Variants in SDR9C7 observed in about 807,000 individuals in gnomAD.
SDR9C7 encodes the protein short-chain dehydrogenase/reductase family 9C member 7.
Under a neutral mutation model 23.6 loss-of-function variants are expected in SDR9C7, and 11 were observed. The observed-to-expected ratio is 0.47, with a 90% CI of 0.29 to 0.77. SDR9C7 has a LOEUF of 0.77. Among genes scored for constraint, SDR9C7 ranks in the 30% least tolerant of loss-of-function variants. The pLI, the probability that SDR9C7 is intolerant of heterozygous loss-of-function variation, is 0.09. For missense variants in SDR9C7, 387 were observed against 407.1 expected, an observed-to-expected ratio of 0.95 and a Z score of 0.42; for synonymous variants, 167 against 157.3, an observed-to-expected ratio of 1.06 and a Z score of -0.46.
intron 2 of SDR9C7, 106 bp from the exon 3 acceptor site, chr12:56,929,659 A>G: frequency 7.6e-7 from 1 of 1,309,522 alleles, no homozygotes; most frequent in East Asian, 2.4e-5. Context: ...TGCTTCTCTC[A>G]CCCCTGTACT....
At chr12:56,933,914 A>G (rs759367482) in intron 1 of SDR9C7, 47 bp downstream of exon 1, 1 of 1,558,446 alleles carries the variant, frequency 6.4e-7, no homozygotes, top group Non-Finnish European at 8.7e-7. Flanking sequence ...AGAGAGGAAG[A>G]GGAAGAAGGA....
Position 56,934,086 on chromosome 12 carries a change from T to G in SDR9C7, c.176A>C (p.Glu59Ala). 1 of 1,614,212 alleles carries G rather than the reference T, an allele frequency of 6.2e-7. No homozygotes were observed. ...GMQVLAACFT[E>A]EGSQKLQRDT... ...CCGCTGAAGTTTCTGGGATCCCTCC[T>G]CAGTGAAGCAAGCAGCCAGCACCTG... The change falls in exon 1 of 4, where the codon GAG (glutamate) becomes GCG (alanine). Residue 59 changes from glutamate (E) to alanine (A), a missense_variant. By Grantham distance (107) the Glu-to-Ala change is moderately radical (BLOSUM62 -1). Coordinates refer to ENST00000293502, the MANE Select transcript of SDR9C7 (RefSeq NM_148897.3).
At position 56,933,941 on chromosome 12, in the gene SDR9C7, A is replaced by G. The variant is rs1955782387; in HGVS notation, c.301+20T>C. ...GAAGAAGGAGAAACCAAGAAAGCCA[A>G]AGAATGTAATTCGCCCCACCTTGTT... On this transcript the variant is annotated intron_variant, in intron 1 of 3. Coordinates refer to ENST00000293502, the MANE Select transcript of SDR9C7 (RefSeq NM_148897.3). The G allele has an allele frequency of 6.3e-7, 1 of 1,592,060 alleles. No individual in the cohort carries two copies. The highest frequency in any genetic ancestry group is 2.2e-5 in the East Asian group (1 of 44,498).
chr12:56,933,085 C>G lies in SDR9C7; in HGVS notation c.301+876G>C, dbSNP rs570212214. 3.9e-5 allele frequency among the ~76,000 whole-genome samples: 6 copies of G among 152,366 alleles called. No individual in the cohort carries two copies. In the East Asian group the frequency reaches 1.2e-3, roughly 29 times the overall value. On this transcript the variant is annotated intron_variant, in intron 1 of 3. Transcript: ENST00000293502. ...GTCCCCACACAGTCCTGGGCCAGCC[C>G]CAGTCCACAGCTTCCTTTCCCAATA...
chr12:56,928,814 C>A (rs529527717), intron 3 of SDR9C7, among the ~76,000 whole-genome samples: 1 of 152,244 alleles, frequency 6.6e-6, no homozygotes, highest in East Asian at 1.9e-4. Context: ...TCACAGGAGA[C>A]CCTCAGCTCA....
chr12:56,930,504 C>T lies in SDR9C7; in HGVS notation c.302-20G>A, dbSNP rs370892780. ...AGAGGCCTGGGGGTGAGATGAACCA[C>T]ACAGAAATCATCAGTGGGCCTGGGA... On this transcript the variant is annotated intron_variant, in intron 1 of 3. Coordinates refer to ENST00000293502, the MANE Select transcript of SDR9C7 (RefSeq NM_148897.3). 6.2e-7 allele frequency: 1 copy of T among 1,611,530 alleles called. No individual in the cohort carries two copies.
chr12:56,926,189 G>A (rs1287371277), intron 3 of SDR9C7, among the ~76,000 whole-genome samples: 1 of 152,088 alleles, frequency 6.6e-6, no homozygotes, highest in Non-Finnish European at 1.5e-5. Context: ...ACAAGCCAGG[G>A]GCCTGTTTGG....
intron 3 of SDR9C7, among the ~76,000 whole-genome samples, chr12:56,926,343 G>A (rs1292163281): frequency 3.3e-5 from 5 of 152,144 alleles, no homozygotes; most frequent in Admixed American, 6.5e-5. Context: ...CCTTCACTGG[G>A]TTTCTGCAGT....
chr12:56,931,928 G>T (rs1462395938), intron 1 of SDR9C7, among the ~76,000 whole-genome samples: 1 of 152,082 alleles, frequency 6.6e-6, no homozygotes. Context: ...CCCAAGCCAT[G>T]CCCCTACCCA....
At chr12:56,930,513 C>T (rs377225976) in intron 1 of SDR9C7, 29 bp from the exon 2 acceptor site, 1 of 1,608,212 alleles carries the variant, frequency 6.2e-7, no homozygotes, top group African/African-American at 1.3e-5. Flanking sequence ...ACACAGAAAT[C>T]ATCAGTGGGC....
intron 3 of SDR9C7, 104 bp downstream of exon 3, chr12:56,929,286 A>G (rs1371449119): frequency 8.7e-7 from 1 of 1,155,270 alleles, no homozygotes; most frequent in Admixed American, 1.9e-5. Context: ...TGGGTCCTGA[A>G]CTCCTCTGCA....
intron 1 of SDR9C7, 57 bp downstream of exon 1, chr12:56,933,902 GGA>G: frequency 6.5e-7 from 1 of 1,545,444 alleles, no homozygotes; most frequent in South Asian, 1.2e-5. Flanking sequence ...AGATGCTTCG[GGA>G]GAGAGGAAGA....
At chr12:56,924,078 G>A in intron 3 of SDR9C7, 28 bp from the exon 4 acceptor site, 1 of 1,480,322 alleles carries the variant, frequency 6.8e-7, no homozygotes. Flanking sequence ...GGGGAAAAAG[G>A]CTCTGTTATT....
intron 3 of SDR9C7, among the ~76,000 whole-genome samples, chr12:56,924,813 C>T (rs1482563483): frequency 6.6e-6 from 1 of 152,090 alleles, no homozygotes; most frequent in African/African-American, 2.4e-5. Context: ...CGCAGCTACT[C>T]AGGAGGCTGA....
chr12:56,924,289 C>T (rs944869103), intron 3 of SDR9C7, among the ~76,000 whole-genome samples: 8 of 151,890 alleles, frequency 5.3e-5, no homozygotes, highest in African/African-American at 1.9e-4. Context: ...ATCAGCTGGG[C>T]TTGGTGGCAC....
At chr12:56,932,423 C>T (rs1383600626) in intron 1 of SDR9C7, among the ~76,000 whole-genome samples, 1 of 152,218 alleles carries the variant, frequency 6.6e-6, no homozygotes, top group Non-Finnish European at 1.5e-5. Context: ...TTCTCCTCTA[C>T]AGCCTCTAGA....
intron 3 of SDR9C7, among the ~76,000 whole-genome samples, chr12:56,924,305 T>C (rs1184061166): frequency 6.6e-6 from 1 of 152,136 alleles, no homozygotes; most frequent in Non-Finnish European, 1.5e-5. Flanking sequence ...GGCACATGCC[T>C]GTAATCCCAG....
chr12:56,931,096 G>T (rs375661779), intron 1 of SDR9C7, among the ~76,000 whole-genome samples: 10 of 152,122 alleles, frequency 6.6e-5, no homozygotes, highest in South Asian at 4.1e-4. Flanking sequence ...TTAGTCAGGC[G>T]TGGTGGTATG....
At chr12:56,930,562 G>A in intron 1 of SDR9C7, 78 bp from the exon 2 acceptor site, 1 of 1,514,704 alleles carries the variant, frequency 6.6e-7, no homozygotes, top group Non-Finnish European at 9.0e-7. Context: ...CCGGCTCAGT[G>A]CCCTCAAGGA....
Sources: gnomAD v4.1 joint callset for allele counts (sites outside exome capture counted in the v4.1 genomes callset) on GRCh38, gnomAD v4.1.1 for gene constraint, MANE v1.5 for transcripts, NCBI Gene and HGNC (gene_info 2026-07-23, HGNC 2026-07-21) for gene names.